COLEC10: variants seen among roughly 807,000 people sequenced by gnomAD.
COLEC10 encodes the protein collectin subfamily member 10, also known as collectin-10.
Under a neutral mutation model 28.4 loss-of-function variants are expected in COLEC10, and 22 were observed. The ratio of observed to expected loss-of-function variants is 0.78; its 90% confidence interval spans 0.55 to 1.11. The LOEUF (loss-of-function observed/expected upper bound fraction) is 1.11, where lower values mean the gene tolerates loss of function less well. Ranked by LOEUF, COLEC10 falls within the 50% of genes least tolerant of loss-of-function variation. The pLI, the probability that COLEC10 is intolerant of heterozygous loss-of-function variation, is 0.00. For synonymous variants in COLEC10, 125 were observed against 116.1 expected, an observed-to-expected ratio of 1.08 and a Z score of -0.49; for missense variants, 361 against 344.1, an observed-to-expected ratio of 1.05 and a Z score of -0.39.
the COLEC10 span, among the ~76,000 whole-genome samples, chr8:118,981,670 TAC>T: frequency 6.6e-6 from 1 of 152,138 alleles, no homozygotes; most frequent in Non-Finnish European, 1.5e-5. Context: ...AAACTAAAGT[TAC>T]TTTATATATC....
chr8:119,056,636 A>C (rs774519144), intron 2 of COLEC10, among the ~76,000 whole-genome samples: 1 of 152,048 alleles, frequency 6.6e-6, no homozygotes, highest in Non-Finnish European at 1.5e-5. Context: ...TGAACAAACA[A>C]ACAAAACAAA....
At chr8:119,091,867 A>G (rs1412350603) in intron 3 of COLEC10, among the ~76,000 whole-genome samples, 3 of 152,136 alleles carry the variant, frequency 2.0e-5, no homozygotes, top group Non-Finnish European at 4.4e-5. Context: ...ATCTCCTGGG[A>G]TCTACTTGTT....
At chr8:119,014,542 T>A (rs1233485522) in intron 2 of COLEC10, among the ~76,000 whole-genome samples, 1 of 150,724 alleles carries the variant, frequency 6.6e-6, no homozygotes, top group East Asian at 1.9e-4. Context: ...CTAGATGTAG[T>A]TTTTGTTTGT....
At chr8:118,960,232 G>T in the COLEC10 span, among the ~76,000 whole-genome samples, 1 of 152,062 alleles carries the variant, frequency 6.6e-6, no homozygotes, top group African/African-American at 2.4e-5. Flanking sequence ...TGGTGAGAGA[G>T]GACCTAGTCC....
At chr8:119,015,872 G>A (rs1244956135) in intron 2 of COLEC10, among the ~76,000 whole-genome samples, 2 of 152,110 alleles carry the variant, frequency 1.3e-5, no homozygotes, top group Non-Finnish European at 2.9e-5. Flanking sequence ...GCCAAGCTTT[G>A]CTTTATATAT....
At chr8:119,004,893 T>A (rs1188044722) in intron 1 of COLEC10, among the ~76,000 whole-genome samples, 1 of 151,146 alleles carries the variant, frequency 6.6e-6, no homozygotes, top group Non-Finnish European at 1.5e-5. Context: ...ATGTTTCCTA[T>A]CATCTTTCAC....
At chr8:119,045,089 T>C (rs1358448321) in intron 2 of COLEC10, among the ~76,000 whole-genome samples, 3 of 152,208 alleles carry the variant, frequency 2.0e-5, no homozygotes, top group Non-Finnish European at 4.4e-5. Context: ...ATCCACTAAT[T>C]ACTCCCAAAT....
chr8:118,982,078 C>G, the COLEC10 span, among the ~76,000 whole-genome samples: 1 of 151,946 alleles, frequency 6.6e-6, no homozygotes, highest in African/African-American at 2.4e-5. Context: ...CAGACTAGCT[C>G]AGTCCGACAT....
intron 2 of COLEC10, among the ~76,000 whole-genome samples, chr8:119,030,941 A>G (rs1814276110): frequency 6.6e-6 from 1 of 152,220 alleles, no homozygotes; most frequent in Admixed American, 6.5e-5. Flanking sequence ...ACATTATCTA[A>G]CAGTATCACA....
In COLEC10 at chr8:119,077,243, A is replaced by ATTTTTTT. The variant is rs762180766; in HGVS notation, c.148+9832_148+9838dup. The stretch of plus-strand genomic sequence containing the variant: ...TTTTGATTAGCCTGGGTAGAGAATG[A>ATTTTTTT]TTTTTTTTTTTTTTTTTTTTTTTTG... On this transcript the variant is annotated intron_variant, in intron 1 of 5. Transcript: ENST00000332843. 2.9e-3 allele frequency among the ~76,000 whole-genome samples: 265 copies of ATTTTTTT among 90,230 alleles called. 13 individuals are homozygous for ATTTTTTT. Among genetic ancestry groups the ATTTTTTT allele is most frequent in the Non-Finnish European group, 4.1e-3 (190 of 46,638 alleles). The allele number at this position is 90,230 out of a possible 152,430, so 59.2% of individuals were successfully genotyped here. A position where few individuals can be genotyped will look rare whatever the true frequency, so the allele number is the denominator to read the frequency against.
rs963297716 is a variant in COLEC10, at chr8:119,091,156, A to T, written c.228A>T (p.Lys76Asn). 10 of 1,612,744 alleles carry T rather than the reference A, an allele frequency of 6.2e-6. No homozygotes were observed. In the African/African-American group the frequency reaches 1.3e-4, roughly 22 times the overall value. ...KVGRMGPKGI[K>N]GELGDMGDQG... The stretch of plus-strand genomic sequence containing the variant: ...AACATGTTTGCTTTTCAGGAATTAA[A>T]GGAGAACTGGGTGATATGGGAGATC... Residue 76 changes from lysine to asparagine, a missense_variant, in exon 3 of 6, where the codon AAA (lysine) becomes AAT (asparagine). By Grantham distance (94) the Lys-to-Asn change is moderately conservative. Transcript: ENST00000332843.
intron 1 of COLEC10, among the ~76,000 whole-genome samples, chr8:119,006,407 A>T (rs540566587): frequency 1.3e-5 from 2 of 151,982 alleles, no homozygotes; most frequent in African/African-American, 4.8e-5. Context: ...TCCCCTGTTC[A>T]TCTCTTCTGC....
chr8:118,981,388 TA>T, the COLEC10 span, among the ~76,000 whole-genome samples: 3 of 152,110 alleles, frequency 2.0e-5, no homozygotes, highest in African/African-American at 2.4e-5. Flanking sequence ...TTATTTTGTT[TA>T]AAAAAATTTA....
chr8:118,974,265 A>C, the COLEC10 span, among the ~76,000 whole-genome samples: 1 of 151,826 alleles, frequency 6.6e-6, no homozygotes, highest in Non-Finnish European at 1.5e-5. Flanking sequence ...CCTGGAGCAA[A>C]GACTATTTTA....
intron 2 of COLEC10, among the ~76,000 whole-genome samples, chr8:119,049,401 C>CTTTTTT (rs34885340): frequency 0.042 from 2,549 of 60,418 alleles, 212 homozygotes; most frequent in Non-Finnish European, 0.05. Context: ...ATTTTCTTTT[C>CTTTTTT]TTTTTTTTTT....
chr8:119,047,768 A>G (rs1814610324), intron 2 of COLEC10, among the ~76,000 whole-genome samples: 1 of 117,318 alleles, frequency 8.5e-6, no homozygotes, highest in Non-Finnish European at 1.7e-5. Context: ...AGAGAATTAT[A>G]AGAAAAACAG....
At chr8:119,060,021 T>C (rs1194429270) in intron 2 of COLEC10, among the ~76,000 whole-genome samples, 2 of 152,076 alleles carry the variant, frequency 1.3e-5, no homozygotes, top group Admixed American at 6.6e-5. Flanking sequence ...AGGGGAAGAA[T>C]ATGCCGTTGA....
At chr8:119,039,563 G>C (rs949015418) in intron 2 of COLEC10, among the ~76,000 whole-genome samples, 2 of 152,156 alleles carry the variant, frequency 1.3e-5, no homozygotes, top group Non-Finnish European at 2.9e-5. Context: ...GTGTGGAATG[G>C]TATTAGTTTC....
chr8:119,061,204 C>A (rs1278224387), intron 2 of COLEC10, among the ~76,000 whole-genome samples: 1 of 151,708 alleles, frequency 6.6e-6, no homozygotes, highest in African/African-American at 2.4e-5. Flanking sequence ...GAGAAATACA[C>A]CAGAAATTAG....
Sources: gnomAD v4.1 joint callset for allele counts (sites outside exome capture counted in the v4.1 genomes callset) on GRCh38, gnomAD v4.1.1 for gene constraint, MANE v1.5 for transcripts, NCBI Gene and HGNC (gene_info 2026-07-23, HGNC 2026-07-21) for gene names.